The following DUSP19 variants were observed in gnomAD, a reference collection of about 807,000 sequenced individuals.
DUSP19 encodes dual specificity protein phosphatase 19.
A neutral mutation model predicts 16.6 loss-of-function variants in DUSP19; 14 were observed. The ratio of observed to expected loss-of-function variants is 0.84; its 90% CI spans 0.56 to 1.32. The LOEUF is 1.32. Ranked by LOEUF, DUSP19 falls within the 40% of genes most tolerant of loss-of-function variation. The probability of loss-of-function intolerance (pLI) is 0.00; values close to 1 mark genes in which losing one functional copy is unlikely to be tolerated. For synonymous variants in DUSP19, 81 were observed against 90.5 expected (o/e 0.90, Z 0.59); for missense variants, 258 against 255.9 (o/e 1.01, Z -0.06).
At chr2:183,089,265 G>C (rs1699701995) in intron 3 of DUSP19, among the ~76,000 whole-genome samples, 1 of 152,184 alleles carries the variant, frequency 6.6e-6, no homozygotes, top group Admixed American at 6.5e-5. Context: ...TGAGCTGACT[G>C]TTGGCTATTC....
Position 183,097,398 on chromosome 2 carries a change from T to G in DUSP19, c.*1740T>G, listed in dbSNP as rs1699817878. On this transcript the variant is annotated 3_prime_UTR_variant, in exon 4 of 4. Transcript: ENST00000354221. ...CATGTAGGTTTTATTTTTAAAAGTC[T>G]TGAGCTCTTCTTAAATATACATTAT... 1 of 152,212 alleles carries G rather than the reference T, an allele frequency of 6.6e-6. No homozygotes were observed. Among genetic ancestry groups the G allele is most frequent in the Admixed American group, 6.5e-5 (1 of 15,268 alleles). The allele number at this position is 152,212 out of a possible 1,614,324, so 9.4% of individuals were successfully genotyped here.
At chr2:183,094,628 G>A (rs1699774870) in intron 3 of DUSP19, among the ~76,000 whole-genome samples, 1 of 152,132 alleles carries the variant, frequency 6.6e-6, no homozygotes, top group Non-Finnish European at 1.5e-5. Flanking sequence ...AGTATCATTT[G>A]CAAGTTACCT....
chr2:183,084,864 A>G lies in DUSP19; in HGVS notation c.273+1310A>G, dbSNP rs73035654. ...AGATTTAGTGGAGATAGAATTAGAT[A>G]GATGTGAGGGGTTTTTTAGAGGGTA... On this transcript the variant is annotated intron_variant, in intron 2 of 3. Transcript: ENST00000354221. Among the ~76,000 whole-genome samples the G allele has an allele frequency of 8.7e-3, 1,328 of 152,328 alleles. 19 individuals are homozygous for G. The highest frequency in any genetic ancestry group is 0.03 in the African/African-American group (1,242 of 41,566).
chr2:183,094,171 A>G (rs1699768139), intron 3 of DUSP19, among the ~76,000 whole-genome samples: 1 of 152,218 alleles, frequency 6.6e-6, no homozygotes, highest in East Asian at 1.9e-4. Context: ...TCAAAATGTT[A>G]ACTAATTTTG....
chr2:183,085,422 C>T (rs188493340), intron 2 of DUSP19, among the ~76,000 whole-genome samples: 33 of 152,242 alleles, frequency 2.2e-4, no homozygotes, highest in African/African-American at 7.9e-4. Context: ...AGAGAGTCAG[C>T]AATGTCAGAT....
At chr2:183,084,119 C>T (rs1235420430) in intron 2 of DUSP19, among the ~76,000 whole-genome samples, 5 of 152,174 alleles carry the variant, frequency 3.3e-5, no homozygotes, top group East Asian at 1.9e-4. Context: ...AAGCAGCTAC[C>T]GAACAGCGTT....
At chr2:183,083,359 T>G (rs1699618619) in intron 1 of DUSP19, 149 bp from the exon 2 acceptor site, 2 of 632,414 alleles carry the variant, frequency 3.2e-6, no homozygotes, top group African/African-American at 1.9e-5. Flanking sequence ...GTAGGATGAC[T>G]GTTATCAAAT....
Position 183,098,570 on chromosome 2 carries a change from A to G in DUSP19, c.*2912A>G, listed in dbSNP as rs1699833985. On this transcript the variant is annotated 3_prime_UTR_variant, in exon 4 of 4. Transcript: ENST00000354221. Reference sequence around the variant, plus strand: ...AGGTCTGTTTTAAAGGAGAGGAAAAATAGTTCAAGGAGTTTTTGCCTCTTT... The same window carrying G: ...AGGTCTGTTTTAAAGGAGAGGAAAAGTAGTTCAAGGAGTTTTTGCCTCTTT... 1 of 152,226 alleles carries G rather than the reference A, an allele frequency of 6.6e-6. No homozygotes were observed. Among genetic ancestry groups the G allele is most frequent in the Non-Finnish European group, 1.5e-5 (1 of 68,026 alleles). 9.4% of individuals were successfully genotyped at this position (152,226 alleles called of 1,614,324 possible). A position where few individuals can be genotyped will look rare whatever the true frequency, so the allele number is the denominator to read the frequency against.
chr2:183,098,536 A>C lies in DUSP19; in HGVS notation c.*2878A>C, dbSNP rs1699833649. On this transcript the variant is annotated 3_prime_UTR_variant, in exon 4 of 4. Coordinates refer to ENST00000354221, the MANE Select transcript of DUSP19 (RefSeq NM_080876.4). ...TACTGCAAACTTAAAAGATACATAC[A>C]CCAAATATAGGTCTGTTTTAAAGGA... is the stretch of plus-strand genomic sequence containing the variant. 1.3e-5 allele frequency: 2 copies of C among 152,218 alleles called. No individual in the cohort carries two copies. Among genetic ancestry groups the C allele is most frequent in the East Asian group, 1.9e-4 (1 of 5,194 alleles). 9.4% of individuals were successfully genotyped at this position (152,218 alleles called of 1,614,324 possible).
rs1041423808 is a variant in DUSP19 at position 183,097,331 on chromosome 2, T to G, written c.*1673T>G. On this transcript the variant is annotated 3_prime_UTR_variant, in exon 4 of 4. Coordinates refer to ENST00000354221, the MANE Select transcript of DUSP19 (RefSeq NM_080876.4). ...GCATCAGCCACCACGCCTGGCCTGATAGTTTCCACATAGTTTTTCATGACT... is the reference window on the plus strand; with the variant it reads ...GCATCAGCCACCACGCCTGGCCTGAGAGTTTCCACATAGTTTTTCATGACT... 6 of 152,194 alleles carry G rather than the reference T, an allele frequency of 3.9e-5. No individual in the cohort carries two copies. Among genetic ancestry groups the G allele is most frequent in the Non-Finnish European group, 8.8e-5 (6 of 68,032 alleles). 9.4% of individuals were successfully genotyped at this position (152,194 alleles called of 1,614,324 possible).
At position 183,095,610 on chromosome 2, in the gene DUSP19, G is replaced by A; in HGVS notation, c.606G>A (p.Glu202=). 1 of 1,613,972 alleles carries A rather than the reference G, an allele frequency of 6.2e-7. No individual in the cohort carries two copies. ...GFMEQLRTYQ[E]GKESNKCDRI... is the part of the protein sequence containing the mutation. ...TGGAGCAGCTTCGTACATATCAAGA[G>A]GGCAAAGAAAGCAATAAGTGTGACA... The change falls in exon 4 of 4, where the codon GAG becomes GAA. Residue 202 remains glutamate, a synonymous_variant. Coordinates refer to ENST00000354221, the MANE Select transcript of DUSP19 (RefSeq NM_080876.4).
rs1390888912 is a variant in DUSP19, at chr2:183,097,010, C to T, written c.*1352C>T. ...TATACTTAAAATTAATTAATTAAGA[C>T]AGTTTCTTTTTTCTTTTCTTTTTTT... On this transcript the variant is annotated 3_prime_UTR_variant, in exon 4 of 4. Coordinates refer to ENST00000354221, the MANE Select transcript of DUSP19 (RefSeq NM_080876.4). The T allele has an allele frequency of 6.7e-6, 1 of 150,316 alleles. No individual in the cohort carries two copies. The highest frequency in any genetic ancestry group is 1.5e-5 in the Non-Finnish European group (1 of 67,574). The allele number at this position is 150,316 out of a possible 1,614,324, so 9.3% of individuals were successfully genotyped here. A position where few individuals can be genotyped will look rare whatever the true frequency, so the allele number is the denominator to read the frequency against.
At chr2:183,092,666 G>T (rs1389901318) in intron 3 of DUSP19, among the ~76,000 whole-genome samples, 2 of 145,450 alleles carry the variant, frequency 1.4e-5, no homozygotes, top group South Asian at 4.4e-4. Flanking sequence ...TTGATTCCAT[G>T]TCTTTGCTAT....
At chr2:183,092,938 G>C (rs1387919025) in intron 3 of DUSP19, among the ~76,000 whole-genome samples, 1 of 152,002 alleles carries the variant, frequency 6.6e-6, no homozygotes, top group Non-Finnish European at 1.5e-5. Flanking sequence ...TCCTGACCTT[G>C]TGATCCACCC....
chr2:183,084,931 T>C (rs1390480601), intron 2 of DUSP19, among the ~76,000 whole-genome samples: 1 of 151,716 alleles, frequency 6.6e-6, no homozygotes, highest in Non-Finnish European at 1.5e-5. Flanking sequence ...GGATAGGGAG[T>C]GGGGCTAAGG....
intron 1 of DUSP19, among the ~76,000 whole-genome samples, chr2:183,082,577 C>T (rs970913316): frequency 2.6e-5 from 4 of 151,884 alleles, no homozygotes; most frequent in Non-Finnish European, 4.4e-5. Context: ...GCATGCACCA[C>T]CATGCCCAGC....
intron 3 of DUSP19, among the ~76,000 whole-genome samples, chr2:183,094,507 A>G (rs564063900): frequency 3.9e-5 from 6 of 152,322 alleles, no homozygotes; most frequent in African/African-American, 1.2e-4. Context: ...TAAAAGCTTC[A>G]GATAGGCCAA....
chr2:183,082,130 G>A (rs1490602764), intron 1 of DUSP19, among the ~76,000 whole-genome samples: 1 of 152,184 alleles, frequency 6.6e-6, no homozygotes, highest in Non-Finnish European at 1.5e-5. Flanking sequence ...AACAGCATTT[G>A]CTCTAAGCTA....
At chr2:183,095,291 TAATCAAATA>T in intron 3 of DUSP19, 131 bp from the exon 4 acceptor site, 1 of 734,072 alleles carries the variant, frequency 1.4e-6, no homozygotes, top group Non-Finnish European at 2.1e-6. Flanking sequence ...TTTATTTCAA[TAATCAAATA>T]AATTGAATCA....
Sources: gnomAD v4.1 joint callset for allele counts (sites outside exome capture counted in the v4.1 genomes callset) on GRCh38, gnomAD v4.1.1 for gene constraint, MANE v1.5 for transcripts, NCBI Gene and HGNC (gene_info 2026-07-23, HGNC 2026-07-21) for gene names.